The following SH3PXD2A variants were observed in gnomAD, a reference collection of about 807,000 sequenced individuals.
SH3PXD2A encodes the protein SH3 and PX domain-containing protein 2A.
A neutral mutation model predicts 115.2 loss-of-function variants in SH3PXD2A; 32 were observed. That is an observed-to-expected ratio of 0.28 (90% confidence interval 0.21 to 0.37). The LOEUF (loss-of-function observed/expected upper bound fraction) is 0.37. SH3PXD2A is among the 10% of genes least tolerant of loss of function. SH3PXD2A has a pLI of 1.00. For synonymous variants in SH3PXD2A, 610 were observed against 629.1 expected (o/e 0.97, Z 0.45); for missense variants, 1,328 against 1,498.7 (o/e 0.89, Z 1.88).
chr10:103,804,236 T>C (rs1291904257), intron 1 of SH3PXD2A, among the ~76,000 whole-genome samples: 1 of 151,950 alleles, frequency 6.6e-6, no homozygotes, highest in African/African-American at 2.4e-5. Context: ...GGTTCAATGT[T>C]AGGGTGCCCG....
intron 8 of SH3PXD2A, among the ~76,000 whole-genome samples, chr10:103,645,118 C>A (rs968595571): frequency 6.6e-6 from 1 of 152,228 alleles, no homozygotes; most frequent in African/African-American, 2.4e-5. Context: ...TCCCCCATCA[C>A]CTTGACCTTA....
intron 10 of SH3PXD2A, among the ~76,000 whole-genome samples, chr10:103,617,553 T>C (rs116015657): frequency 0.01 from 1,528 of 152,286 alleles, 30 homozygotes; most frequent in African/African-American, 0.035. Flanking sequence ...AGGACCCAGG[T>C]TGTCAGGCAA....
chr10:103,657,388 C>G (rs1408855254), intron 8 of SH3PXD2A, among the ~76,000 whole-genome samples: 1 of 152,178 alleles, frequency 6.6e-6, no homozygotes, highest in African/African-American at 2.4e-5. Context: ...GAGAGGGAAG[C>G]CAATGCAGTA....
At chr10:103,670,565 A>G (rs1315387281) in intron 6 of SH3PXD2A, among the ~76,000 whole-genome samples, 2 of 152,184 alleles carry the variant, frequency 1.3e-5, no homozygotes, top group East Asian at 1.9e-4. Flanking sequence ...GACAGTGTTC[A>G]ATACTGGATG....
intron 2 of SH3PXD2A, among the ~76,000 whole-genome samples, chr10:103,785,363 C>G (rs1416436117): frequency 6.6e-6 from 1 of 152,150 alleles, no homozygotes; most frequent in Non-Finnish European, 1.5e-5. Flanking sequence ...TCTGTCCAGT[C>G]AGATAAGGGG....
chr10:103,670,298 C>A (rs2037439110), intron 6 of SH3PXD2A, among the ~76,000 whole-genome samples: 2 of 152,184 alleles, frequency 1.3e-5, no homozygotes, highest in African/African-American at 4.8e-5. Flanking sequence ...GACTTACCCT[C>A]TCTGAGCCTG....
At chr10:103,739,357 T>C (rs554119407) in intron 3 of SH3PXD2A, among the ~76,000 whole-genome samples, 1 of 152,230 alleles carries the variant, frequency 6.6e-6, no homozygotes, top group Non-Finnish European at 1.5e-5. Flanking sequence ...CAGCTGAGTT[T>C]TTGGAAGCCC....
chr10:103,701,394 TCATCCATCCATCCAC>T (rs1208014902), intron 5 of SH3PXD2A, among the ~76,000 whole-genome samples: 11 of 115,164 alleles, frequency 9.6e-5, no homozygotes, highest in Non-Finnish European at 1.4e-4. Flanking sequence ...CATCCATCCA[TCATCCATCCATCCAC>T]CATCCATCCA....
chr10:103,840,031 G>A (rs1321439612), intron 1 of SH3PXD2A, among the ~76,000 whole-genome samples: 6 of 152,346 alleles, frequency 3.9e-5, no homozygotes, highest in African/African-American at 1.4e-4. Context: ...ATCAAAAAGG[G>A]CAAGGCCAGG....
intron 5 of SH3PXD2A, among the ~76,000 whole-genome samples, chr10:103,719,989 G>T (rs974196795): frequency 1.3e-5 from 2 of 152,132 alleles, no homozygotes; most frequent in African/African-American, 4.8e-5. Context: ...CAAAGTGCTG[G>T]GATTACAGGC....
chr10:103,709,328 C>T (rs1277353849), intron 5 of SH3PXD2A, among the ~76,000 whole-genome samples: 1 of 152,164 alleles, frequency 6.6e-6, no homozygotes, highest in Non-Finnish European at 1.5e-5. Context: ...TTTCTCTGAC[C>T]TCAGGCAACC....
intron 1 of SH3PXD2A, among the ~76,000 whole-genome samples, chr10:103,811,701 C>A (rs983641441): frequency 4.6e-5 from 7 of 152,188 alleles, no homozygotes; most frequent in African/African-American, 1.4e-4. Flanking sequence ...GTGACAGAGA[C>A]AATGATCTAT....
chr10:103,618,785 C>A (rs1436753797), intron 10 of SH3PXD2A, among the ~76,000 whole-genome samples: 3 of 152,230 alleles, frequency 2.0e-5, no homozygotes, highest in South Asian at 4.1e-4. Flanking sequence ...ACAGCCACCC[C>A]CTGGGCTCCT....
rs1039876255 is a variant in SH3PXD2A, at chr10:103,666,086, A to G, written c.472+2522T>C. Among the ~76,000 whole-genome samples the G allele has an allele frequency of 6.6e-6, 1 of 152,168 alleles. No homozygotes were observed. The highest frequency in any genetic ancestry group is 1.5e-5 in the Non-Finnish European group (1 of 68,030). On this transcript the variant is annotated intron_variant, in intron 7 of 14. Transcript: ENST00000369774. The surrounding 1 kb of genome is among the most constrained non-coding windows in gnomAD (Gnocchi z 4.5). Reference sequence around the variant, plus strand: ...AAACTTCTCAACTGGGCTTTTGCCAAGTCAGTCCCATGCTCCAACGCCTTC... The same window carrying G: ...AAACTTCTCAACTGGGCTTTTGCCAGGTCAGTCCCATGCTCCAACGCCTTC...
Position 103,701,659 on chromosome 10 carries a change from ACCATCCATCCATCAT to A in SH3PXD2A, c.399-8618_399-8604del, listed in dbSNP as rs1372798925. Among the ~76,000 whole-genome samples, 6 of 136,172 alleles carry A rather than the reference ACCATCCATCCATCAT, an allele frequency of 4.4e-5. No individual in the cohort carries two copies. In the East Asian group the frequency reaches 7.1e-4, roughly 16 times the overall value. The allele number at this position is 136,172 out of a possible 152,430, so 89.3% of individuals were successfully genotyped here. On this transcript the variant is annotated intron_variant, in intron 5 of 14. Transcript: ENST00000369774. ...CCATCCATCATCTATCCATCCATCC[ACCATCCATCCATCAT>A]CCATCCATCCATCATTCATCCAGCC...
intron 10 of SH3PXD2A, among the ~76,000 whole-genome samples, chr10:103,617,789 C>T (rs906278632): frequency 6.6e-6 from 1 of 152,196 alleles, no homozygotes; most frequent in African/African-American, 2.4e-5. Context: ...CCTATCCCTG[C>T]CCCCAGCTCA....
chr10:103,764,656 G>A (rs939570629), intron 3 of SH3PXD2A, among the ~76,000 whole-genome samples: 4 of 152,276 alleles, frequency 2.6e-5, no homozygotes, highest in African/African-American at 7.2e-5. Context: ...AGTGTTTTGC[G>A]TAAATTCTTT....
intron 6 of SH3PXD2A, among the ~76,000 whole-genome samples, chr10:103,686,991 A>G (rs7899269): frequency 0.018 from 2,718 of 152,004 alleles, 91 homozygotes; most frequent in African/African-American, 0.062. Context: ...CAGGTGATCC[A>G]CCTGCCTCGG....
At chr10:103,778,081 G>C (rs369693140) in intron 2 of SH3PXD2A, among the ~76,000 whole-genome samples, 32 of 152,278 alleles carry the variant, frequency 2.1e-4, no homozygotes, top group African/African-American at 7.7e-4. Flanking sequence ...TGTAATCCCA[G>C]CACTTTGGAA....
Sources: gnomAD v4.1 joint callset for allele counts (sites outside exome capture counted in the v4.1 genomes callset) on GRCh38, gnomAD v4.1.1 for gene constraint, Gnocchi (gnomAD v3.1) non-coding constraint, MANE v1.5 for transcripts, NCBI Gene and HGNC (gene_info 2026-07-23, HGNC 2026-07-21) for gene names.